Variants in KIAA0040 observed in about 807,000 individuals in gnomAD.
KIAA0040 encodes the protein uncharacterized protein KIAA0040.
A neutral mutation model predicts 7.2 loss-of-function variants in KIAA0040; 10 were observed. That is an observed-to-expected ratio of 1.38 (90% CI 0.85 to 2.34). The LOEUF is 2.34. Ranked by LOEUF, KIAA0040 falls within the 30% of genes most tolerant of loss-of-function variation. The pLI is 0.00. For synonymous variants in KIAA0040, 49 were observed against 40.1 expected (o/e 1.22, Z -0.84); for missense variants, 89 against 108.2 (o/e 0.82, Z 0.79).
chr1:175,164,753 C>T (rs1676689088), intron 3 of KIAA0040, among the ~76,000 whole-genome samples: 1 of 152,142 alleles, frequency 6.6e-6, no homozygotes, highest in Admixed American at 6.5e-5. Context: ...TCTAGGCACC[C>T]CCCAGGTTAC....
At chr1:175,183,535 C>T (rs1430552337) in intron 1 of KIAA0040, among the ~76,000 whole-genome samples, 5 of 152,280 alleles carry the variant, frequency 3.3e-5, no homozygotes, top group Admixed American at 2.6e-4. Flanking sequence ...GACCAGGACC[C>T]GGGCCTGGGC....
chr1:175,175,829 G>T (rs897116162), intron 2 of KIAA0040, among the ~76,000 whole-genome samples: 6 of 151,812 alleles, frequency 4.0e-5, no homozygotes, highest in Non-Finnish European at 5.9e-5. Flanking sequence ...TGAACAATGA[G>T]AACACTTGGA....
At chr1:175,178,103 A>G (rs112961517) in intron 1 of KIAA0040, among the ~76,000 whole-genome samples, 1,695 of 152,276 alleles carry the variant, frequency 0.011, 13 homozygotes, top group Non-Finnish European at 0.015. Flanking sequence ...CCACTCCTAA[A>G]TCCCCTCTAC....
At chr1:175,173,528 C>A (rs913100496) in intron 2 of KIAA0040, among the ~76,000 whole-genome samples, 27 of 152,322 alleles carry the variant, frequency 1.8e-4, no homozygotes, top group African/African-American at 6.5e-4. Context: ...TGGAGCTACT[C>A]AAGCGCAGAA....
At chr1:175,188,957 C>T (rs1326180290) in intron 1 of KIAA0040, among the ~76,000 whole-genome samples, 1 of 152,124 alleles carries the variant, frequency 6.6e-6, no homozygotes, top group Non-Finnish European at 1.5e-5. Context: ...ATTGGGTATT[C>T]CTGGGCAGAG....
At chr1:175,173,615 T>C (rs1248795158) in intron 2 of KIAA0040, among the ~76,000 whole-genome samples, 1 of 152,192 alleles carries the variant, frequency 6.6e-6, no homozygotes, top group Non-Finnish European at 1.5e-5. Flanking sequence ...AGGACTTTAA[T>C]TTCTGGATCT....
intron 2 of KIAA0040, among the ~76,000 whole-genome samples, chr1:175,174,487 T>C (rs1205770123): frequency 6.6e-6 from 1 of 152,184 alleles, no homozygotes; most frequent in Non-Finnish European, 1.5e-5. Flanking sequence ...CCTTTCCTCA[T>C]CTGAGAAATG....
rs1676317648 is a variant in KIAA0040, at chr1:175,157,359, GAC to G, written c.*3353_*3354del. 1 of 152,218 alleles carries G rather than the reference GAC, an allele frequency of 6.6e-6. No homozygotes were observed. Among genetic ancestry groups the G allele is most frequent in the African/African-American group, 2.4e-5 (1 of 41,448 alleles). The allele number at this position is 152,218 out of a possible 1,614,324, so 9.4% of individuals were successfully genotyped here. A position where few individuals can be genotyped will look rare whatever the true frequency, so the allele number is the denominator to read the frequency against. On this transcript the variant is annotated 3_prime_UTR_variant, in exon 4 of 4. Coordinates refer to ENST00000423313, the MANE Select transcript of KIAA0040 (RefSeq NM_014656.3). ...CCATCTGTTTTGCAAGCAAGGGTGA[GAC>G]AGCCACATTCCTCATCCTCAGACCT... is the stretch of plus-strand genomic sequence containing the variant.
intron 2 of KIAA0040, among the ~76,000 whole-genome samples, chr1:175,174,036 A>C (rs1398727914): frequency 1.1e-4 from 16 of 149,928 alleles, no homozygotes; most frequent in South Asian, 4.3e-4. Context: ...CCGACCCCAC[A>C]CCCCAGTCCC....
At chr1:175,182,021 G>C in intron 1 of KIAA0040, among the ~76,000 whole-genome samples, 1 of 152,186 alleles carries the variant, frequency 6.6e-6, no homozygotes, top group East Asian at 1.9e-4. Context: ...TGGCATTCCA[G>C]GGACCACTCC....
chr1:175,172,597 C>T (rs1677031787), intron 2 of KIAA0040, among the ~76,000 whole-genome samples: 1 of 152,150 alleles, frequency 6.6e-6, no homozygotes. Flanking sequence ...ACAAAAAAAC[C>T]TGTCTCCACC....
rs147823466 is a variant in KIAA0040 at position 175,170,067 on chromosome 1, G to A, written c.-309-3330C>T. On this transcript the variant is annotated intron_variant, in intron 2 of 3. Coordinates refer to ENST00000423313, the MANE Select transcript of KIAA0040 (RefSeq NM_014656.3). ...AAAGGAAATAATTGGAGTGGCCTCT[G>A]AAAAGGTGACTCTGAACTGAGATCT... 9.0e-3 allele frequency among the ~76,000 whole-genome samples: 1,374 copies of A among 152,292 alleles called. 24 individuals are homozygous for A. Among genetic ancestry groups the A allele is most frequent in the African/African-American group, 0.031 (1,290 of 41,552 alleles).
chr1:175,165,621 G>C (rs1462566128), intron 3 of KIAA0040, among the ~76,000 whole-genome samples: 1 of 152,226 alleles, frequency 6.6e-6, no homozygotes, highest in Non-Finnish European at 1.5e-5. Context: ...ATGGAGAGCG[G>C]TCGCTTGGGG....
At chr1:175,184,830 C>T (rs1677592539) in intron 1 of KIAA0040, among the ~76,000 whole-genome samples, 2 of 152,188 alleles carry the variant, frequency 1.3e-5, no homozygotes, top group South Asian at 4.1e-4. Context: ...CTCTGTGTCC[C>T]TGTCATGACA....
At position 175,160,617 on chromosome 1, in the gene KIAA0040, T is replaced by C. The variant is rs932291227; in HGVS notation, c.*97A>G. On this transcript the variant is annotated 3_prime_UTR_variant, in exon 4 of 4. Transcript: ENST00000423313. Reference sequence around the variant, plus strand: ...TGGTTGAGTAGTTACTCTGTGGACATGGACATAGTGCATTATTTCAGGGGT... The same window carrying C: ...TGGTTGAGTAGTTACTCTGTGGACACGGACATAGTGCATTATTTCAGGGGT... 8.5e-7 allele frequency: 1 copy of C among 1,174,230 alleles called. No homozygotes were observed. Among genetic ancestry groups the C allele is most frequent in the Non-Finnish European group, 1.2e-6 (1 of 854,652 alleles). 72.7% of individuals were successfully genotyped at this position (1,174,230 alleles called of 1,614,324 possible).
chr1:175,166,765 A>G (rs919802506), intron 2 of KIAA0040, 28 bp from the exon 3 acceptor site: 2 of 152,274 alleles, frequency 1.3e-5, no homozygotes, highest in African/African-American at 4.8e-5. Context: ...TAAAAATAGA[A>G]GTATAGTGTG....
chr1:175,190,825 G>A (rs967730527), intron 1 of KIAA0040, among the ~76,000 whole-genome samples: 1 of 152,108 alleles, frequency 6.6e-6, no homozygotes, highest in Non-Finnish European at 1.5e-5. Context: ...CTCAAAAATG[G>A]CTTCCTATAG....
rs1187778943 is a variant in KIAA0040 at position 175,157,301 on chromosome 1, G to A, written c.*3413C>T. 4 of 152,196 alleles carry A rather than the reference G, an allele frequency of 2.6e-5. No homozygotes were observed. Among genetic ancestry groups the A allele is most frequent in the Admixed American group, 2.0e-4 (3 of 15,280 alleles). 9.4% of individuals were successfully genotyped at this position (152,196 alleles called of 1,614,324 possible). On this transcript the variant is annotated 3_prime_UTR_variant, in exon 4 of 4. Coordinates refer to ENST00000423313, the MANE Select transcript of KIAA0040 (RefSeq NM_014656.3). The stretch of plus-strand genomic sequence containing the variant: ...GGAACATCAGTATATTTTTCCTGTA[G>A]CTGGCACCTTTGAGGGAGTCTGGTC...
At chr1:175,175,506 C>T (rs1677151112) in intron 2 of KIAA0040, among the ~76,000 whole-genome samples, 1 of 150,924 alleles carries the variant, frequency 6.6e-6, no homozygotes, top group African/African-American at 2.4e-5. Flanking sequence ...TACCATTTGA[C>T]CCAGCCATCC....
Sources: allele counts gnomAD v4.1 joint callset (sites outside exome capture counted in the v4.1 genomes callset), GRCh38; gene constraint gnomAD v4.1.1; transcripts MANE v1.5; gene names NCBI Gene and HGNC (gene_info 2026-07-23, HGNC 2026-07-21).